Variants in ANGPT4 observed in about 807,000 individuals in gnomAD.
ANGPT4 encodes angiopoietin-4.
In ANGPT4, 50 loss-of-function variants were observed where a neutral mutation model predicts 53.0. That is an observed-to-expected ratio of 0.94 (90% CI 0.75 to 1.20). The LOEUF (loss-of-function observed/expected upper bound fraction) is 1.20. Ranked by LOEUF, ANGPT4 falls within the 50% of genes most tolerant of loss-of-function variation. The pLI, the probability that ANGPT4 is intolerant of heterozygous loss-of-function variation, is 0.00. For synonymous variants in ANGPT4, 251 were observed against 259.7 expected, an observed-to-expected ratio of 0.97 and a Z score of 0.32; for missense variants, 648 against 637.1, an observed-to-expected ratio of 1.02 and a Z score of -0.18.
At chr20:873,471 G>T (rs557861398) in intron 8 of ANGPT4, among the ~76,000 whole-genome samples, 1 of 148,752 alleles carries the variant, frequency 6.7e-6, no homozygotes, top group South Asian at 2.1e-4. Flanking sequence ...CTTTCTAGTG[G>T]TCTCTGTCAC....
At chr20:889,888 A>C (rs1981765018) in intron 2 of ANGPT4, among the ~76,000 whole-genome samples, 1 of 152,086 alleles carries the variant, frequency 6.6e-6, no homozygotes, top group Admixed American at 6.5e-5. Flanking sequence ...ATTGTTTCTT[A>C]TCCATCTTCC....
intron 1 of ANGPT4, among the ~76,000 whole-genome samples, chr20:896,255 T>C (rs1203823391): frequency 6.6e-6 from 1 of 152,210 alleles, no homozygotes; most frequent in Non-Finnish European, 1.5e-5. Flanking sequence ...TGAGCAAAAT[T>C]CGTAAAGTTT....
chr20:901,494 G>C (rs570849528), intron 1 of ANGPT4, among the ~76,000 whole-genome samples: 1 of 151,954 alleles, frequency 6.6e-6, no homozygotes, highest in Non-Finnish European at 1.5e-5. Context: ...ATCTCCCTTT[G>C]CTGACTCCTT....
chr20:882,386 G>A (rs2122776273), intron 4 of ANGPT4, among the ~76,000 whole-genome samples: 1 of 152,308 alleles, frequency 6.6e-6, no homozygotes, highest in Non-Finnish European at 1.5e-5. Context: ...CAGATGGATA[G>A]GTTGTCAACA....
intron 5 of ANGPT4, 118 bp downstream of exon 5, chr20:881,053 A>T: frequency 1.2e-6 from 1 of 801,700 alleles, no homozygotes; most frequent in East Asian, 2.9e-5. Flanking sequence ...CCACCCCTAC[A>T]CCTCTGGTAT....
chr20:881,979 A>G (rs1427514232), intron 4 of ANGPT4, among the ~76,000 whole-genome samples: 1 of 152,226 alleles, frequency 6.6e-6, no homozygotes, highest in Non-Finnish European at 1.5e-5. Flanking sequence ...AACTGGCCCA[A>G]GGGCACACAG....
At chr20:882,324 C>T (rs1981441252) in intron 4 of ANGPT4, among the ~76,000 whole-genome samples, 1 of 152,158 alleles carries the variant, frequency 6.6e-6, no homozygotes, top group Admixed American at 6.5e-5. Context: ...TATGATTCTA[C>T]CAGAATCCAA....
chr20:877,566 T>C (rs899367072), intron 7 of ANGPT4, among the ~76,000 whole-genome samples: 1 of 152,216 alleles, frequency 6.6e-6, no homozygotes, highest in Admixed American at 6.5e-5. Context: ...AATGGAATAA[T>C]GGTGCCTGGA....
chr20:895,651 C>T (rs573897571), intron 1 of ANGPT4, among the ~76,000 whole-genome samples: 4 of 152,190 alleles, frequency 2.6e-5, no homozygotes, highest in African/African-American at 9.6e-5. Flanking sequence ...CTGCTTCTCT[C>T]CTGCATTATT....
intron 4 of ANGPT4, among the ~76,000 whole-genome samples, chr20:883,420 T>C (rs1389798191): frequency 6.6e-6 from 1 of 152,232 alleles, no homozygotes; most frequent in Non-Finnish European, 1.5e-5. Flanking sequence ...TTGACTCTCT[T>C]CTCCTTTCAC....
Position 911,240 on chromosome 20 carries a change from G to C in ANGPT4, c.309+4666C>G, listed in dbSNP as rs1035389062. Among the ~76,000 whole-genome samples the C allele has an allele frequency of 6.6e-6, 1 of 152,220 alleles. No individual in the cohort carries two copies. The highest frequency in any genetic ancestry group is 2.4e-5 in the African/African-American group (1 of 41,460). On this transcript the variant is annotated intron_variant, in intron 1 of 8. Coordinates refer to ENST00000381922, the MANE Select transcript of ANGPT4 (RefSeq NM_015985.4). This position sits in a 1 kb window ranked among gnomAD's most constrained non-coding sequence, Gnocchi z 4.9. ...CAGGGCCTCACAACTGCCAGGCCGA[G>C]GGGCCCAGTTATTCTGAGGTTTGAT...
intron 1 of ANGPT4, among the ~76,000 whole-genome samples, chr20:901,082 A>C (rs1420310154): frequency 6.6e-6 from 1 of 152,202 alleles, no homozygotes; most frequent in East Asian, 1.9e-4. Flanking sequence ...CTGCTCGAAG[A>C]AGCCCTGAGA....
intron 1 of ANGPT4, 151 bp from the exon 2 acceptor site, chr20:890,519 G>A (rs535113027): frequency 7.5e-6 from 5 of 662,264 alleles, no homozygotes; most frequent in African/African-American, 5.5e-5. Flanking sequence ...ATTACGTCTT[G>A]CCTGGACTAT....
chr20:874,325 T>C lies in ANGPT4; in HGVS notation c.1310A>G (p.Asn437Ser). The change falls in exon 8 of 9, where the codon AAC becomes AGC. Residue 437 changes from asparagine (N) to serine (S), a missense_variant. Asn to Ser is a conservative substitution (Grantham distance 46, BLOSUM62 1). Transcript: ENST00000381922. Reference protein sequence around the residue: ...NTSFSTLDSDNDHCLCKCAQV... With the variant: ...NTSFSTLDSDSDHCLCKCAQV... ...GGCACACTTGCAGAGACAGTGGTCG[T>C]TGTCTGAGTCAAGGGTGCTAAAGCT... The C allele has an allele frequency of 6.2e-7, 1 of 1,614,172 alleles. No individual in the cohort carries two copies. Among genetic ancestry groups the C allele is most frequent in the Non-Finnish European group, 8.5e-7 (1 of 1,180,024 alleles).
chr20:874,475 G>C, intron 7 of ANGPT4, 61 bp from the exon 8 acceptor site: 2 of 1,594,526 alleles, frequency 1.3e-6, no homozygotes, highest in East Asian at 2.2e-5. Flanking sequence ...GGGCTGTGTC[G>C]AGCAAGAACT....
chr20:880,117 A>T (rs1169511901), intron 5 of ANGPT4, among the ~76,000 whole-genome samples: 4 of 152,230 alleles, frequency 2.6e-5, no homozygotes, highest in Non-Finnish European at 5.9e-5. Context: ...TCAGTCTCTC[A>T]TCTACCAACT....
intron 3 of ANGPT4, among the ~76,000 whole-genome samples, chr20:887,368 C>G (rs1981653938): frequency 6.6e-6 from 1 of 152,158 alleles, no homozygotes; most frequent in African/African-American, 2.4e-5. Context: ...CCACTGAGAC[C>G]TTGGGTTGGG....
chr20:873,761 C>G (rs907285621), intron 8 of ANGPT4, among the ~76,000 whole-genome samples: 9 of 152,130 alleles, frequency 5.9e-5, no homozygotes, highest in African/African-American at 2.2e-4. Context: ...ACTCTGACAG[C>G]CTTGGTGTCT....
At chr20:910,367 GGAGGCAC>G (rs2122134577) in intron 1 of ANGPT4, among the ~76,000 whole-genome samples, 1 of 152,242 alleles carries the variant, frequency 6.6e-6, no homozygotes, top group East Asian at 1.9e-4. Context: ...ACTCATTCTG[GGAGGCAC>G]GAGTATTTTG....
Sources: gnomAD v4.1 joint callset for allele counts (sites outside exome capture counted in the v4.1 genomes callset) on GRCh38, gnomAD v4.1.1 for gene constraint, Gnocchi (gnomAD v3.1) non-coding constraint, MANE v1.5 for transcripts, NCBI Gene and HGNC (gene_info 2026-07-23, HGNC 2026-07-21) for gene names.